Variants in LCOR observed in about 807,000 individuals in gnomAD.
LCOR encodes the protein ligand dependent nuclear receptor corepressor, also known as ligand-dependent corepressor.
LCOR carries 14 observed loss-of-function variants against 64.4 expected under a neutral mutation model. The ratio of observed to expected loss-of-function variants is 0.22; its 90% CI spans 0.14 to 0.34. LCOR has a LOEUF of 0.34. Among genes scored for constraint, LCOR ranks in the 10% least tolerant of loss-of-function variants. LCOR has a pLI of 1.00. For missense variants in LCOR, 1,686 were observed against 1,765.3 expected (o/e 0.96, Z 0.80); for synonymous variants, 643 against 642.5 (o/e 1.00, Z -0.01).
At chr10:96,930,154 G>A (rs1408457974) in intron 4 of LCOR, among the ~76,000 whole-genome samples, 1 of 152,192 alleles carries the variant, frequency 6.6e-6, no homozygotes, top group Non-Finnish European at 1.5e-5. Context: ...TCGACACAGG[G>A]TTGCCCCAAA....
intron 7 of LCOR, chr10:96,957,934 C>G (rs909116954): frequency 1.0e-6 from 1 of 986,510 alleles, no homozygotes; most frequent in Non-Finnish European, 1.2e-6. Context: ...TTTTATGATT[C>G]TACAATATTT....
At chr10:96,938,012 C>T (rs1166161370) in intron 4 of LCOR, among the ~76,000 whole-genome samples, 1 of 152,206 alleles carries the variant, frequency 6.6e-6, no homozygotes, top group Non-Finnish European at 1.5e-5. Flanking sequence ...AGCACAGTGG[C>T]ACAATCATGG....
rs1251846001 is a variant in LCOR, at chr10:96,983,175, G to A, written c.2715G>A (p.Gly905=). 6.2e-7 allele frequency: 1 copy of A among 1,614,142 alleles called. No homozygotes were observed. Among genetic ancestry groups the A allele is most frequent in the Admixed American group, 1.7e-5 (1 of 60,028 alleles). ...KDAEQEGEGG[G]IITRQTLKNM... is the part of the protein sequence containing the mutation. Reference sequence around the variant, plus strand: ...CTGAGCAGGAGGGCGAAGGCGGGGGGATCATCACCAGGCAGACTTTGAAAA... The same window carrying A: ...CTGAGCAGGAGGGCGAAGGCGGGGGAATCATCACCAGGCAGACTTTGAAAA... Residue 905 remains glycine, a synonymous_variant, in exon 8 of 8, where the codon GGG becomes GGA. Coordinates refer to ENST00000421806, the MANE Select transcript of LCOR (RefSeq NM_001346516.2). The surrounding 1 kb of genome is among the most constrained non-coding windows in gnomAD (Gnocchi z 4.5).
chr10:96,900,345 CTTGA>C (rs1305807016), intron 2 of LCOR, among the ~76,000 whole-genome samples: 2 of 151,678 alleles, frequency 1.3e-5, no homozygotes, highest in Non-Finnish European at 1.5e-5. Flanking sequence ...TCATCCTATA[CTTGA>C]TTCTTTTTTT....
chr10:96,967,253 A>G (rs1463997019), intron 7 of LCOR, among the ~76,000 whole-genome samples: 1 of 151,882 alleles, frequency 6.6e-6, no homozygotes, highest in African/African-American at 2.4e-5. Flanking sequence ...TGCCTCAGCC[A>G]CTCGAGTAGC....
In LCOR at chr10:96,987,331, G is replaced by A. The variant is rs1848156922; in HGVS notation, c.*2197G>A. The stretch of plus-strand genomic sequence containing the variant: ...TGTCAGGCATGCTGATTCCTGTACA[G>A]AAGAGGTGCCCCGTTGGCTGCATAC... On this transcript the variant is annotated 3_prime_UTR_variant, in exon 8 of 8. Transcript: ENST00000421806. 1 of 152,234 alleles carries A rather than the reference G, an allele frequency of 6.6e-6. No homozygotes were observed. Among genetic ancestry groups the A allele is most frequent in the Admixed American group, 6.5e-5 (1 of 15,278 alleles). The allele number at this position is 152,234 out of a possible 1,614,324, so 9.4% of individuals were successfully genotyped here. A position where few individuals can be genotyped will look rare whatever the true frequency, so the allele number is the denominator to read the frequency against.
In LCOR at chr10:96,981,980, A is replaced by T; in HGVS notation, c.1520A>T (p.Asn507Ile). Reference protein sequence around the residue: ...ARKSTRGYFFNGDCCELPTVR... With the variant: ...ARKSTRGYFFIGDCCELPTVR... The stretch of plus-strand genomic sequence containing the variant: ...AAGAGTACTCGAGGATACTTTTTCA[A>T]TGGTGACTGTTGTGAGCTGCCAACT... Residue 507 changes from asparagine to isoleucine, a missense_variant, in exon 8 of 8, where the codon AAT (asparagine) becomes ATT (isoleucine). Asn to Ile is a moderately radical substitution (Grantham distance 149). This residue lies in a region of LCOR where 1,293 missense variants were observed against 1,410.4 expected (regional missense o/e 0.92). Transcript: ENST00000421806. The T allele has an allele frequency of 1.2e-6, 2 of 1,614,108 alleles. No individual in the cohort carries two copies. The highest frequency in any genetic ancestry group is 1.7e-6 in the Non-Finnish European group (2 of 1,180,036).
At chr10:96,841,485 C>T (rs543565602) in intron 2 of LCOR, among the ~76,000 whole-genome samples, 5 of 151,928 alleles carry the variant, frequency 3.3e-5, no homozygotes, top group East Asian at 3.9e-4. Context: ...CTTAGCCTCC[C>T]GAGTAGCTGG....
intron 4 of LCOR, among the ~76,000 whole-genome samples, chr10:96,933,574 G>A (rs1564630191): frequency 6.6e-6 from 1 of 152,170 alleles, no homozygotes; most frequent in Non-Finnish European, 1.5e-5. Context: ...AGGCTGGAGT[G>A]GAGTGGCACG....
At chr10:96,917,167 G>T (rs1486632920) in intron 4 of LCOR, among the ~76,000 whole-genome samples, 1 of 152,158 alleles carries the variant, frequency 6.6e-6, no homozygotes, top group African/African-American at 2.4e-5. Context: ...AAAAACACAG[G>T]CAAGGAGAAA....
chr10:96,927,208 A>G (rs577620454), intron 4 of LCOR, among the ~76,000 whole-genome samples: 1 of 152,250 alleles, frequency 6.6e-6, no homozygotes, highest in South Asian at 2.1e-4. Flanking sequence ...AAGCCATTCT[A>G]GTGGGTGTGT....
chr10:96,984,690 T>G lies in LCOR; in HGVS notation c.4230T>G (p.Ser1410Arg). Residue 1410 changes from serine to arginine, a missense_variant, in exon 8 of 8, where the codon AGT becomes AGG. By Grantham distance (110) the Ser-to-Arg change is moderately radical (BLOSUM62 -1). This residue lies in a region of LCOR where 1,293 missense variants were observed against 1,410.4 expected (regional missense o/e 0.92). Coordinates refer to ENST00000421806, the MANE Select transcript of LCOR (RefSeq NM_001346516.2). ...KRTEGSSPPD[S>R]KNKGPTVKAS... ...CAGAAGGCAGCAGCCCTCCAGATAG[T>G]AAGAACAAGGGGCCTACGGTGAAAG... 3 of 1,613,972 alleles carry G rather than the reference T, an allele frequency of 1.9e-6. No homozygotes were observed. Among genetic ancestry groups the G allele is most frequent in the Non-Finnish European group, 2.5e-6 (3 of 1,180,018 alleles).
At chr10:96,964,673 C>A (rs1847930424) in intron 7 of LCOR, among the ~76,000 whole-genome samples, 1 of 151,998 alleles carries the variant, frequency 6.6e-6, no homozygotes, top group Non-Finnish European at 1.5e-5. Flanking sequence ...TAATTTGATA[C>A]CTCGGCGCTC....
chr10:96,893,846 G>A (rs1033813020), intron 2 of LCOR, among the ~76,000 whole-genome samples: 3 of 151,540 alleles, frequency 2.0e-5, no homozygotes, highest in African/African-American at 2.4e-5. Context: ...ACCTGGCTTC[G>A]TAATTCATAT....
chr10:96,981,338 C>A lies in LCOR; in HGVS notation c.878C>A (p.Thr293Asn). Reference protein sequence around the residue: ...HIPKILEGQTTGQEQDTNVNI... With the variant: ...HIPKILEGQTNGQEQDTNVNI... ...CCTAAAATCTTGGAGGGGCAGACCA[C>A]TGGACAAGAGCAAGACACAAATGTG... The change falls in exon 8 of 8, where the codon ACT (threonine) becomes AAT (asparagine). Residue 293 changes from threonine to asparagine, a missense_variant. By Grantham distance (65) the Thr-to-Asn change is moderately conservative. Transcript: ENST00000421806. 1 of 1,612,590 alleles carries A rather than the reference C, an allele frequency of 6.2e-7. No individual in the cohort carries two copies. Among genetic ancestry groups the A allele is most frequent in the South Asian group, 1.1e-5 (1 of 91,030 alleles).
chr10:96,907,059 A>T (rs1846741615), intron 2 of LCOR, among the ~76,000 whole-genome samples: 2 of 152,182 alleles, frequency 1.3e-5, no homozygotes, highest in Admixed American at 1.3e-4. Context: ...TGTGCTCAGA[A>T]TTTGTGTTGA....
intron 2 of LCOR, among the ~76,000 whole-genome samples, chr10:96,889,819 C>G (rs945181170): frequency 6.6e-6 from 1 of 152,096 alleles, no homozygotes; most frequent in Non-Finnish European, 1.5e-5. Flanking sequence ...TGAGTGTTTC[C>G]GCTGTCAGGT....
chr10:96,919,803 T>C (rs1212452858), intron 4 of LCOR, among the ~76,000 whole-genome samples: 4 of 152,206 alleles, frequency 2.6e-5, no homozygotes, highest in Non-Finnish European at 5.9e-5. Context: ...CCTTATGTTT[T>C]TCTATATTGT....
At chr10:96,962,503 G>A (rs1232755090) in intron 7 of LCOR, 1 of 152,006 alleles carries the variant, frequency 6.6e-6, no homozygotes, top group African/African-American at 2.4e-5. Flanking sequence ...AAAATGAGGG[G>A]GGATGATTAA....
Sources: allele counts gnomAD v4.1 joint callset (sites outside exome capture counted in the v4.1 genomes callset), GRCh38; gene constraint gnomAD v4.1.1; regional missense constraint gnomAD v4.1.1; non-coding constraint Gnocchi (gnomAD v3.1); transcripts MANE v1.5; gene names NCBI Gene and HGNC (gene_info 2026-07-23, HGNC 2026-07-21).